The following NCALD variants were observed in gnomAD, a reference collection of about 807,000 sequenced individuals.
NCALD encodes the protein neurocalcin-delta.
A neutral mutation model predicts 18.6 loss-of-function variants in NCALD; 10 were observed. That is an observed-to-expected ratio of 0.54 (90% CI 0.33 to 0.91). The LOEUF is 0.91. NCALD is among the 40% of genes least tolerant of loss of function. The probability of loss-of-function intolerance (pLI) is 0.03; values close to 1 mark genes in which losing one functional copy is unlikely to be tolerated. For missense variants in NCALD, 184 were observed against 247.6 expected (o/e 0.74, Z 1.72); for synonymous variants, 88 against 87.4 (o/e 1.01, Z -0.04).
intron 1 of NCALD, among the ~76,000 whole-genome samples, chr8:101,776,072 T>G (rs16868417): frequency 6.6e-6 from 1 of 152,188 alleles, no homozygotes; most frequent in Non-Finnish European, 1.5e-5. Flanking sequence ...GGGAACAGCA[T>G]GAACCCCAGA....
chr8:102,010,870 C>T (rs778371934), intron 2 of NCALD, among the ~76,000 whole-genome samples: 14 of 152,256 alleles, frequency 9.2e-5, no homozygotes, highest in Admixed American at 2.6e-4. Context: ...TGGAGGTCAC[C>T]ATACACACTA....
intron 4 of NCALD, among the ~76,000 whole-genome samples, chr8:101,850,320 C>T (rs1403014320): frequency 6.6e-6 from 1 of 152,182 alleles, no homozygotes; most frequent in African/African-American, 2.4e-5. Context: ...CTCCTGCTCG[C>T]CTGCTGTATA....
At chr8:101,857,348 C>T (rs1241321956) in intron 4 of NCALD, among the ~76,000 whole-genome samples, 1 of 152,144 alleles carries the variant, frequency 6.6e-6, no homozygotes, top group Non-Finnish European at 1.5e-5. Flanking sequence ...GGCTCCTATC[C>T]CAAACACAGT....
chr8:102,008,916 CT>C, intron 2 of NCALD, among the ~76,000 whole-genome samples: 1 of 21,228 alleles, frequency 4.7e-5, no homozygotes, highest in South Asian at 1.7e-3. Flanking sequence ...CCCCGCCCCC[CT>C]ACACACACAC....
At chr8:102,024,136 C>T (rs539346653) in intron 1 of NCALD, among the ~76,000 whole-genome samples, 1 of 152,240 alleles carries the variant, frequency 6.6e-6, no homozygotes, top group Admixed American at 6.5e-5. Flanking sequence ...GGGAAAAAAA[C>T]AGAACACAGC....
chr8:101,852,261 T>C (rs1034059857), intron 4 of NCALD, among the ~76,000 whole-genome samples: 1 of 152,196 alleles, frequency 6.6e-6, no homozygotes, highest in African/African-American at 2.4e-5. Flanking sequence ...CTGGAGCTCC[T>C]CCTCTGATAC....
At chr8:101,854,951 C>A (rs941927307) in intron 4 of NCALD, among the ~76,000 whole-genome samples, 4 of 152,126 alleles carry the variant, frequency 2.6e-5, no homozygotes, top group Non-Finnish European at 5.9e-5. Flanking sequence ...CTGGGGAAGA[C>A]TGGCATGCCC....
chr8:102,058,582 C>T (rs925899124), intron 1 of NCALD, among the ~76,000 whole-genome samples: 3 of 152,160 alleles, frequency 2.0e-5, no homozygotes, highest in Admixed American at 2.0e-4. Context: ...TGCCACACAC[C>T]GTTTCCATTT....
intron 4 of NCALD, among the ~76,000 whole-genome samples, chr8:101,838,090 T>C (rs1451433724): frequency 6.6e-6 from 1 of 152,172 alleles, no homozygotes; most frequent in Non-Finnish European, 1.5e-5. Flanking sequence ...ATTAATACAG[T>C]GTATTAATAT....
intron 1 of NCALD, among the ~76,000 whole-genome samples, chr8:101,742,230 G>T (rs905166919): frequency 6.9e-5 from 10 of 145,426 alleles, no homozygotes. Context: ...CTGTCTCAAA[G>T]AAAAAAAAAA....
At chr8:101,811,408 G>A (rs557735537) in intron 4 of NCALD, among the ~76,000 whole-genome samples, 7 of 152,238 alleles carry the variant, frequency 4.6e-5, no homozygotes, top group African/African-American at 1.4e-4. Context: ...TCTCCTAGAG[G>A]CTACAGAATT....
chr8:102,042,237 C>T (rs1823072291), intron 1 of NCALD, among the ~76,000 whole-genome samples: 1 of 151,948 alleles, frequency 6.6e-6, no homozygotes, highest in Admixed American at 6.5e-5. Context: ...AGAGACCTCT[C>T]AGCCACAACA....
intron 1 of NCALD, among the ~76,000 whole-genome samples, chr8:101,769,307 C>T (rs1026948078): frequency 2.0e-5 from 3 of 152,164 alleles, no homozygotes; most frequent in African/African-American, 7.2e-5. Context: ...TTAAACTTGA[C>T]GTTCTATGCT....
intron 1 of NCALD, among the ~76,000 whole-genome samples, chr8:101,753,894 T>C (rs1810763736): frequency 6.6e-6 from 1 of 152,200 alleles, no homozygotes; most frequent in South Asian, 2.1e-4. Context: ...GGACTTCTTG[T>C]TCTGTGAGAT....
chr8:102,017,403 CCTAAATAGTA>C (rs891506593), intron 2 of NCALD, among the ~76,000 whole-genome samples: 1 of 152,024 alleles, frequency 6.6e-6, no homozygotes, highest in African/African-American at 2.4e-5. Context: ...GCAAAGATTT[CCTAAATAGTA>C]CTTAAAACTA....
intron 1 of NCALD, among the ~76,000 whole-genome samples, chr8:101,771,927 T>C (rs758855501): frequency 1.3e-5 from 2 of 152,212 alleles, no homozygotes; most frequent in Non-Finnish European, 2.9e-5. Context: ...AAATAGGCAC[T>C]GAGTCGCAAT....
chr8:101,741,206 C>T (rs1207070210), intron 1 of NCALD, among the ~76,000 whole-genome samples: 1 of 152,236 alleles, frequency 6.6e-6, no homozygotes, highest in Admixed American at 6.5e-5. Flanking sequence ...CTTAAAAATA[C>T]ACATGCTGCT....
chr8:102,105,202 A>G (rs189012236), intron 1 of NCALD, among the ~76,000 whole-genome samples: 1 of 152,322 alleles, frequency 6.6e-6, no homozygotes, highest in East Asian at 1.9e-4. Context: ...ACCTAAAGAG[A>G]TACAGACTGT....
chr8:102,073,644 G>A (rs1027918855), intron 1 of NCALD, among the ~76,000 whole-genome samples: 1 of 152,090 alleles, frequency 6.6e-6, no homozygotes. Context: ...GCAGTCCACA[G>A]GGTATCACAT....
Sources: allele counts gnomAD v4.1 joint callset (sites outside exome capture counted in the v4.1 genomes callset), GRCh38; gene constraint gnomAD v4.1.1; transcripts MANE v1.5; gene names NCBI Gene and HGNC (gene_info 2026-07-23, HGNC 2026-07-21).